Variants in BTD observed in about 807,000 individuals in gnomAD.
The protein encoded by BTD is biotinidase.
Under a neutral mutation model 17.7 loss-of-function variants are expected in BTD, and 13 were observed. The observed-to-expected ratio is 0.74, with a 90% CI of 0.48 to 1.17. BTD has a LOEUF of 1.17. Among genes scored for constraint, BTD ranks in the 50% most tolerant of loss-of-function variants. The pLI is 0.00. For missense variants in BTD, 674 were observed against 650.4 expected (o/e 1.04, Z -0.39); for synonymous variants, 240 against 245.2 (o/e 0.98, Z 0.20).
intron 3 of BTD, among the ~76,000 whole-genome samples, chr3:15,666,177 CAT>C (rs2065985732): frequency 6.6e-6 from 1 of 152,200 alleles, no homozygotes; most frequent in Non-Finnish European, 1.5e-5. Context: ...GTCAGATTTA[CAT>C]GTTTCTCCTA....
exon 4 of BTD, chr3:15,711,101 T>C: frequency 1.1e-6 from 1 of 939,248 alleles, no homozygotes; most frequent in Non-Finnish European, 1.6e-6. Context: ...ACTCCTGTTT[T>C]GTTTTCTATT....
chr3:15,685,848 C>T (rs1043894422), intron 3 of BTD, among the ~76,000 whole-genome samples: 5 of 151,968 alleles, frequency 3.3e-5, no homozygotes, highest in African/African-American at 1.2e-4. Flanking sequence ...TGTAATTGTT[C>T]AAAATTAGCA....
At chr3:15,714,212 T>G (rs1016784186), downstream of BTD, among the ~76,000 whole-genome samples, 1 of 152,106 alleles carries the variant, frequency 6.6e-6, no homozygotes, top group African/African-American at 2.4e-5. Flanking sequence ...TGAAAATAGT[T>G]GCAGATACTC....
intron 3 of BTD, chr3:15,695,109 G>A (rs2069342983): frequency 8.6e-7 from 1 of 1,159,700 alleles, no homozygotes; most frequent in African/African-American, 1.5e-5. Flanking sequence ...CAGCTCTAAT[G>A]AGAGCAAACA....
chr3:15,645,339 A>G lies in BTD; in HGVS notation c.1423A>G (p.Ile475Val). Reference sequence around the variant, plus strand: ...GTGGGGCAACTTCAGTACTTCCTATATCTTTCCTTTGTTTCTGACCTCAGG... The same window carrying G: ...GTGGGGCAACTTCAGTACTTCCTATGTCTTTCCTTTGTTTCTGACCTCAGG... ...HLWGNFSTSY[I>V]FPLFLTSGMT... Residue 475 changes from isoleucine (I) to valine (V), a missense_variant, in exon 4 of 4, where the codon ATC becomes GTC. By Grantham distance (29) the Ile-to-Val change is conservative (BLOSUM62 3). Coordinates refer to ENST00000643237, the MANE Select transcript of BTD (RefSeq NM_001370658.1). The G allele has an allele frequency of 5.6e-6, 9 of 1,614,158 alleles. No homozygotes were observed. Among genetic ancestry groups the G allele is most frequent in the Non-Finnish European group, 7.6e-6 (9 of 1,180,020 alleles).
chr3:15,720,565 A>G (rs1319961481), intron 4 of BTD, among the ~76,000 whole-genome samples: 2 of 152,248 alleles, frequency 1.3e-5, no homozygotes, highest in African/African-American at 4.8e-5. Flanking sequence ...ACAAATGTAT[A>G]TAACATAAAC....
chr3:15,715,994 C>CT (rs5846874), downstream of BTD, among the ~76,000 whole-genome samples: 362 of 142,664 alleles, frequency 2.5e-3, 2 homozygotes, highest in East Asian at 0.017. Context: ...TTTTTTCTCT[C>CT]TTTTTTTTTT....
intron 3 of BTD, among the ~76,000 whole-genome samples, chr3:15,697,066 C>T (rs9811615): frequency 8.6e-5 from 13 of 151,842 alleles, no homozygotes; most frequent in Non-Finnish European, 1.6e-4. Context: ...CGAACGAGTG[C>T]GTAAAGAAAA....
intron 3 of BTD, among the ~76,000 whole-genome samples, chr3:15,709,897 T>A (rs2071989436): frequency 6.6e-6 from 1 of 152,198 alleles, no homozygotes; most frequent in South Asian, 2.1e-4. Flanking sequence ...ATTCATCTTA[T>A]CTAGAATTTA....
chr3:15,705,488 G>C (rs2071232637), intron 3 of BTD, among the ~76,000 whole-genome samples: 1 of 152,108 alleles, frequency 6.6e-6, no homozygotes, highest in Admixed American at 6.6e-5. Flanking sequence ...AGTGGTAAAG[G>C]ACTACAGATG....
chr3:15,670,655 T>C (rs1038961690), intron 3 of BTD: 104 of 1,183,818 alleles, frequency 8.8e-5, no homozygotes, highest in Non-Finnish European at 1.0e-4. Context: ...AGACATATTT[T>C]ACATTACTTA....
intron 3 of BTD, chr3:15,670,071 C>G (rs1221714208): frequency 1.7e-6 from 1 of 580,090 alleles, no homozygotes. Flanking sequence ...TCAGTCAGGT[C>G]TATTTCAAGA....
chr3:15,658,995 G>A (rs574019054), intron 3 of BTD, among the ~76,000 whole-genome samples: 3 of 152,256 alleles, frequency 2.0e-5, no homozygotes, highest in African/African-American at 7.2e-5. Context: ...ATCACAGGGG[G>A]CTGTATGTAT....
chr3:15,643,051 A>AT (rs2065578298), intron 3 of BTD, among the ~76,000 whole-genome samples: 10 of 65,834 alleles, frequency 1.5e-4, no homozygotes, highest in Admixed American at 1.4e-4. Flanking sequence ...AAAATAAAAT[A>AT]AAATAAAGAA....
At chr3:15,627,756 T>A (rs1047442399) in intron 1 of BTD, among the ~76,000 whole-genome samples, 5 of 152,214 alleles carry the variant, frequency 3.3e-5, no homozygotes, top group Admixed American at 1.3e-4. Context: ...AGTTTCGCTC[T>A]TATTGCCCAG....
chr3:15,700,782 A>G (rs75696549), intron 3 of BTD, among the ~76,000 whole-genome samples: 16,001 of 152,214 alleles, frequency 0.11, 1,072 homozygotes, highest in East Asian at 0.2. Flanking sequence ...GAAACACAAC[A>G]GTATATAGGC....
intron 3 of BTD, chr3:15,667,201 A>G (rs1454780838): frequency 6.6e-6 from 1 of 152,244 alleles, no homozygotes; most frequent in African/African-American, 2.4e-5. Flanking sequence ...GTTTAAGGGA[A>G]AAGAAGTTTG....
At chr3:15,657,316 G>A (rs2065881624), downstream of BTD, among the ~76,000 whole-genome samples, 1 of 152,200 alleles carries the variant, frequency 6.6e-6, no homozygotes, top group African/African-American at 2.4e-5. Context: ...GCTATTTAAA[G>A]TCTACCTCAA....
chr3:15,688,595 C>T (rs191308158), intron 3 of BTD, among the ~76,000 whole-genome samples: 10 of 152,216 alleles, frequency 6.6e-5, no homozygotes, highest in Admixed American at 4.6e-4. Flanking sequence ...CTTTGAAGGG[C>T]GGCTCTGGGA....
Sources: gnomAD v4.1 joint callset for allele counts (sites outside exome capture counted in the v4.1 genomes callset) on GRCh38, gnomAD v4.1.1 for gene constraint, MANE v1.5 for transcripts, NCBI Gene and HGNC (gene_info 2026-07-23, HGNC 2026-07-21) for gene names.